SUCLG2: variants seen among roughly 807,000 people sequenced by gnomAD.
SUCLG2 encodes the protein succinate--CoA ligase [GDP-forming] subunit beta, mitochondrial.
Under a neutral mutation model 47.9 loss-of-function variants are expected in SUCLG2, and 42 were observed. That is an observed-to-expected ratio of 0.88 (90% CI 0.69 to 1.14). SUCLG2 has a LOEUF of 1.14. SUCLG2 is among the 50% of genes most tolerant of loss of function. The probability of loss-of-function intolerance (pLI) is 0.00; values close to 1 mark genes in which losing one functional copy is unlikely to be tolerated. For synonymous variants in SUCLG2, 195 were observed against 197.3 expected (o/e 0.99, Z 0.10); for missense variants, 571 against 525.9 (o/e 1.09, Z -0.84).
At chr3:67,590,769 A>G (rs1708138130) in intron 2 of SUCLG2, among the ~76,000 whole-genome samples, 1 of 152,192 alleles carries the variant, frequency 6.6e-6, no homozygotes, top group South Asian at 2.1e-4. Context: ...ATAAGAACAG[A>G]CTAACACAAC....
At chr3:67,520,353 C>G in intron 5 of SUCLG2, 129 bp downstream of exon 5, 1 of 1,339,274 alleles carries the variant, frequency 7.5e-7, no homozygotes, top group East Asian at 2.3e-5. Flanking sequence ...AGAAAAAGGG[C>G]TCAGCATCTT....
At chr3:67,421,233 A>C (rs887533417) in intron 9 of SUCLG2, among the ~76,000 whole-genome samples, 17 of 152,160 alleles carry the variant, frequency 1.1e-4, no homozygotes, top group Non-Finnish European at 2.5e-4. Flanking sequence ...ACTGTCATTA[A>C]AGACCCATTT....
intron 10 of SUCLG2, chr3:67,376,279 T>C: frequency 1.0e-5 from 10 of 985,458 alleles, no homozygotes; most frequent in Non-Finnish European, 1.2e-5. Context: ...AATCCACTGC[T>C]TTGGAGACTC....
At chr3:67,411,959 G>C (rs963886801) in intron 9 of SUCLG2, among the ~76,000 whole-genome samples, 1 of 152,146 alleles carries the variant, frequency 6.6e-6, no homozygotes, top group African/African-American at 2.4e-5. Context: ...CCTGGGCAGG[G>C]CTGGTGCCTG....
chr3:67,422,105 G>A (rs923572894), intron 9 of SUCLG2, among the ~76,000 whole-genome samples: 1 of 152,110 alleles, frequency 6.6e-6, no homozygotes, highest in Non-Finnish European at 1.5e-5. Flanking sequence ...CAGAGACTAA[G>A]CTTCAAAACT....
At chr3:67,527,780 C>T (rs897002078) in intron 4 of SUCLG2, among the ~76,000 whole-genome samples, 3 of 152,182 alleles carry the variant, frequency 2.0e-5, no homozygotes, top group African/African-American at 7.2e-5. Flanking sequence ...TTGAGGGCCA[C>T]TGTGTGGGAG....
At chr3:67,487,715 G>C (rs1212908374) in intron 9 of SUCLG2, among the ~76,000 whole-genome samples, 1 of 152,086 alleles carries the variant, frequency 6.6e-6, no homozygotes, top group African/African-American at 2.4e-5. Flanking sequence ...AAAATAAATG[G>C]GCAGTCAACT....
chr3:67,598,946 C>A (rs1487347585), intron 2 of SUCLG2, among the ~76,000 whole-genome samples: 1 of 152,186 alleles, frequency 6.6e-6, no homozygotes, highest in Non-Finnish European at 1.5e-5. Context: ...TTAAATACTA[C>A]CACAGTGCCT....
chr3:67,629,504 G>C (rs755561930), intron 1 of SUCLG2, among the ~76,000 whole-genome samples: 19 of 151,964 alleles, frequency 1.3e-4, no homozygotes, highest in Non-Finnish European at 2.2e-4. Context: ...TATGGGGGAG[G>C]GGGGGGCGCC....
chr3:67,436,554 C>T (rs1334575493), intron 9 of SUCLG2, among the ~76,000 whole-genome samples: 1 of 152,154 alleles, frequency 6.6e-6, no homozygotes, highest in East Asian at 1.9e-4. Flanking sequence ...TGGGAGGAAC[C>T]AACTAGCAGC....
At chr3:67,625,460 C>A (rs1575826084) in intron 1 of SUCLG2, among the ~76,000 whole-genome samples, 2 of 152,130 alleles carry the variant, frequency 1.3e-5, no homozygotes, top group Admixed American at 6.5e-5. Context: ...GGTTCTATGA[C>A]CTTCCACCAG....
At chr3:67,527,621 C>CTA (rs756756247) in intron 4 of SUCLG2, among the ~76,000 whole-genome samples, 2 of 152,098 alleles carry the variant, frequency 1.3e-5, no homozygotes, top group Admixed American at 6.6e-5. Flanking sequence ...TGTCCACATG[C>CTA]TATACATACT....
chr3:67,520,446 T>A, intron 5 of SUCLG2, 36 bp downstream of exon 5: 1 of 1,613,496 alleles, frequency 6.2e-7, no homozygotes, highest in Non-Finnish European at 8.5e-7. Flanking sequence ...ACAATAACAA[T>A]CAATTAATAG....
intron 2 of SUCLG2, among the ~76,000 whole-genome samples, chr3:67,540,160 T>C (rs1490426576): frequency 1.3e-5 from 2 of 151,790 alleles, no homozygotes; most frequent in African/African-American, 4.8e-5. Flanking sequence ...GGGTGTCGAT[T>C]TTAGCTCTTT....
intron 1 of SUCLG2, among the ~76,000 whole-genome samples, chr3:67,642,325 C>T (rs998388474): frequency 2.6e-5 from 4 of 152,070 alleles, no homozygotes; most frequent in Admixed American, 2.0e-4. Flanking sequence ...GGCTTAGTAG[C>T]TAGGCATGGT....
At chr3:67,524,853 C>T (rs1182270510) in intron 4 of SUCLG2, among the ~76,000 whole-genome samples, 1 of 152,150 alleles carries the variant, frequency 6.6e-6, no homozygotes, top group Non-Finnish European at 1.5e-5. Context: ...TCATAAATCT[C>T]AGGCAGGGTG....
Position 67,654,528 on chromosome 3 carries a change from G to T in SUCLG2, c.59C>A (p.Pro20His). The change falls in exon 1 of 11, where the codon CCC (proline) becomes CAC (histidine). Residue 20 changes from proline to histidine, a missense_variant. Coordinates refer to ENST00000307227, the MANE Select transcript of SUCLG2 (RefSeq NM_003848.4). ...GKLLRALALRPRFLAAGSQAV... is the reference protein window; with the variant it reads ...GKLLRALALRHRFLAAGSQAV... ...CTGGGACCCGGCCGCCAGGAAGCGG[G>T]GCCGCAGCGCTAGGGCTCGCAGAAG... 1 of 1,254,450 alleles carries T rather than the reference G, an allele frequency of 8.0e-7. No homozygotes were observed. The highest frequency in any genetic ancestry group is 1.0e-6 in the Non-Finnish European group (1 of 997,732). The allele number at this position is 1,254,450 out of a possible 1,614,324, so 77.7% of individuals were successfully genotyped here. A position where few individuals can be genotyped will look rare whatever the true frequency, so the allele number is the denominator to read the frequency against.
rs114111011 is a variant in SUCLG2, at chr3:67,482,767, C to T, written c.1062+13031G>A. 7.9e-3 allele frequency among the ~76,000 whole-genome samples: 1,206 copies of T among 152,288 alleles called. 6 individuals carry two copies. The highest frequency in any genetic ancestry group is 0.022 in the African/African-American group (917 of 41,560). ...AAGATTCTAAGTCACTTTTGTCTCC[C>T]TCTCAGAGAAATGTGCTACTTGGGA... On this transcript the variant is annotated intron_variant, in intron 9 of 10. Transcript: ENST00000307227.
intron 9 of SUCLG2, among the ~76,000 whole-genome samples, chr3:67,441,067 G>A (rs1043691624): frequency 3.3e-5 from 5 of 152,200 alleles, no homozygotes; most frequent in Non-Finnish European, 7.3e-5. Flanking sequence ...ATGAGTTCAT[G>A]TCCTCTGCAG....
Sources: gnomAD v4.1 joint callset for allele counts (sites outside exome capture counted in the v4.1 genomes callset) on GRCh38, gnomAD v4.1.1 for gene constraint, MANE v1.5 for transcripts, NCBI Gene and HGNC (gene_info 2026-07-23, HGNC 2026-07-21) for gene names.